MAGI1: variants seen among roughly 807,000 people sequenced by gnomAD.
The protein encoded by MAGI1 is membrane associated guanylate kinase, WW and PDZ domain containing 1, also known as membrane-associated guanylate kinase, WW and PDZ domain-containing protein 1.
In MAGI1, 58 loss-of-function variants were observed where a neutral mutation model predicts 139.9. That is an observed-to-expected ratio of 0.41 (90% CI 0.34 to 0.52). MAGI1 has a LOEUF of 0.52. MAGI1 is among the 20% of genes least tolerant of loss of function. MAGI1 has a pLI of 0.12. For missense variants in MAGI1, 1,874 were observed against 1,901.6 expected (o/e 0.99, Z 0.27); for synonymous variants, 812 against 737.9 (o/e 1.10, Z -1.63).
intron 10 of MAGI1, among the ~76,000 whole-genome samples, chr3:65,435,263 G>GAGAAAAAAAGAAAA (rs372887680): frequency 0.026 from 3,879 of 151,536 alleles, 167 homozygotes; most frequent in African/African-American, 0.089. Context: ...TAAGGAAGAA[G>GAGAAAAAAAGAAAA]AGAAAAAAAG....
chr3:65,544,743 A>G (rs2079417118), intron 2 of MAGI1, among the ~76,000 whole-genome samples: 6 of 152,186 alleles, frequency 3.9e-5, no homozygotes, highest in African/African-American at 1.2e-4. Flanking sequence ...AGCAACCCCA[A>G]TGCCTAACTG....
At chr3:65,404,780 G>T (rs1945198262) in intron 12 of MAGI1, among the ~76,000 whole-genome samples, 1 of 152,192 alleles carries the variant, frequency 6.6e-6, no homozygotes, top group Non-Finnish European at 1.5e-5. Context: ...TATCAAAGGA[G>T]ATAGCGAGTA....
At chr3:65,688,180 G>A in intron 1 of MAGI1, 1 of 765,622 alleles carries the variant, frequency 1.3e-6, no homozygotes, top group Non-Finnish European at 2.3e-6. Context: ...CGTGAGAGCG[G>A]CAACTTCAGA....
At chr3:65,683,118 C>T (rs1056073910) in intron 1 of MAGI1, among the ~76,000 whole-genome samples, 2 of 152,096 alleles carry the variant, frequency 1.3e-5, no homozygotes, top group Non-Finnish European at 2.9e-5. Flanking sequence ...CTGCTGCTCA[C>T]CTCCAGCTGT....
At chr3:65,815,153 G>A (rs1182145502) in intron 1 of MAGI1, among the ~76,000 whole-genome samples, 1 of 152,162 alleles carries the variant, frequency 6.6e-6, no homozygotes, top group Non-Finnish European at 1.5e-5. Flanking sequence ...CTGAGCTAGT[G>A]GAAATCTCAA....
At chr3:65,412,688 T>C (rs1945886477) in intron 12 of MAGI1, among the ~76,000 whole-genome samples, 2 of 152,194 alleles carry the variant, frequency 1.3e-5, no homozygotes, top group South Asian at 4.1e-4. Context: ...TTGGCCTTTC[T>C]TTTTATAGCC....
intron 2 of MAGI1, among the ~76,000 whole-genome samples, chr3:65,511,284 G>T (rs913281344): frequency 1.3e-5 from 2 of 149,482 alleles, no homozygotes; most frequent in Non-Finnish European, 3.0e-5. Context: ...ATAATGACAG[G>T]ATCAAATTCA....
At chr3:65,428,652 A>G (rs547968392) in intron 12 of MAGI1, among the ~76,000 whole-genome samples, 1 of 152,248 alleles carries the variant, frequency 6.6e-6, no homozygotes, top group Non-Finnish European at 1.5e-5. Context: ...TGCTGGGGAT[A>G]ACAGCTGTCC....
intron 1 of MAGI1, among the ~76,000 whole-genome samples, chr3:65,918,184 G>A (rs2061998907): frequency 6.6e-6 from 1 of 152,136 alleles, no homozygotes; most frequent in African/African-American, 2.4e-5. Context: ...CACTGAGGTA[G>A]GGTCAGAATC....
In MAGI1 at chr3:65,430,791, G is replaced by A. The variant is rs756694536; in HGVS notation, c.1454C>T (p.Thr485Met). The A allele has an allele frequency of 2.0e-5, 32 of 1,613,618 alleles. No homozygotes were observed. Among genetic ancestry groups the A allele is most frequent in the Non-Finnish European group, 2.5e-5 (30 of 1,179,812 alleles). ...ATCAGGTTCATCCCCTCCAACCACCGTGAAGCCAAAGCCACGACTGCTTTT... is the reference window on the plus strand; with the variant it reads ...ATCAGGTTCATCCCCTCCAACCACCATGAAGCCAAAGCCACGACTGCTTTT... The part of the protein sequence containing the change: ...LRKSSRGFGF[T>M]VVGGDEPDEF... The change falls in exon 11 of 23, where the codon ACG (threonine) becomes ATG (methionine). Residue 485 changes from threonine (T) to methionine (M), a missense_variant. By Grantham distance (81) the Thr-to-Met change is moderately conservative (BLOSUM62 -1). Around this residue, in one of 5 missense-constraint regions of MAGI1, gnomAD observed 86 missense variants for 130.0 expected, o/e 0.66. Coordinates refer to ENST00000402939, the MANE Select transcript of MAGI1 (RefSeq NM_001033057.2).
At chr3:65,847,697 G>A (rs957789739) in intron 1 of MAGI1, among the ~76,000 whole-genome samples, 2 of 152,056 alleles carry the variant, frequency 1.3e-5, no homozygotes, top group African/African-American at 4.8e-5. Flanking sequence ...CCTCTCAATC[G>A]TTTATTTATT....
intron 18 of MAGI1, among the ~76,000 whole-genome samples, chr3:65,372,331 AT>A (rs1006607138): frequency 3.0e-4 from 45 of 152,116 alleles, no homozygotes; most frequent in Non-Finnish European, 5.1e-4. Context: ...TTTGAAAGAA[AT>A]TTTTTTCCCC....
At chr3:65,648,608 A>G (rs2085410079) in intron 1 of MAGI1, among the ~76,000 whole-genome samples, 3 of 152,198 alleles carry the variant, frequency 2.0e-5, no homozygotes, top group Admixed American at 1.3e-4. Flanking sequence ...TCAAGAATTC[A>G]AAGAGTCGAC....
chr3:65,550,230 TG>T (rs957189253), intron 2 of MAGI1, among the ~76,000 whole-genome samples: 14 of 152,208 alleles, frequency 9.2e-5, no homozygotes, highest in Admixed American at 2.6e-4. Context: ...GTTAAGTATT[TG>T]TCTTTTTATT....
chr3:65,800,656 A>G (rs942573171), intron 1 of MAGI1, among the ~76,000 whole-genome samples: 3 of 152,058 alleles, frequency 2.0e-5, no homozygotes, highest in African/African-American at 7.2e-5. Context: ...AAACTGATGT[A>G]AGAAATTGGC....
intron 8 of MAGI1, among the ~76,000 whole-genome samples, chr3:65,441,629 G>T (rs1948336756): frequency 6.6e-6 from 1 of 152,078 alleles, no homozygotes; most frequent in East Asian, 1.9e-4. Flanking sequence ...AATTCAAAAT[G>T]AGCTTCAAAT....
At chr3:65,940,799 G>T (rs550583567) in intron 1 of MAGI1, among the ~76,000 whole-genome samples, 1 of 152,240 alleles carries the variant, frequency 6.6e-6, no homozygotes, top group South Asian at 2.1e-4. Flanking sequence ...AACCCACAAG[G>T]TATTAACCAT....
intron 1 of MAGI1, chr3:65,688,438 G>A (rs1384582014): frequency 4.1e-6 from 2 of 492,050 alleles, no homozygotes; most frequent in Admixed American, 2.7e-5. Context: ...CTCAAGGAGA[G>A]GAAGAAGAAA....
intron 1 of MAGI1, among the ~76,000 whole-genome samples, chr3:65,999,782 G>C (rs1009076902): frequency 6.6e-6 from 1 of 151,664 alleles, no homozygotes; most frequent in Admixed American, 6.6e-5. Flanking sequence ...AGCCCAGTTC[G>C]AGAAGTCTGT....
Sources: gnomAD v4.1 joint callset for allele counts (sites outside exome capture counted in the v4.1 genomes callset) on GRCh38, gnomAD v4.1.1 for gene constraint, gnomAD v4.1.1 regional missense constraint, MANE v1.5 for transcripts, NCBI Gene and HGNC (gene_info 2026-07-23, HGNC 2026-07-21) for gene names.